The following LRRTM4 variants were observed in gnomAD, a reference collection of about 807,000 sequenced individuals.
LRRTM4 encodes leucine rich repeat transmembrane neuronal 4, also known as leucine-rich repeat transmembrane neuronal protein 4.
In LRRTM4, 25 loss-of-function variants were observed where a neutral mutation model predicts 47.6. The ratio of observed to expected loss-of-function variants is 0.53; its 90% CI spans 0.38 to 0.73. The LOEUF (loss-of-function observed/expected upper bound fraction) is 0.73. Ranked by LOEUF, LRRTM4 falls within the 30% of genes least tolerant of loss-of-function variation. LRRTM4 has a pLI of 0.00. For synonymous variants in LRRTM4, 311 were observed against 269.5 expected (o/e 1.15, Z -1.51); for missense variants, 638 against 713.4 (o/e 0.89, Z 1.20).
chr2:77,118,398 T>C (rs1177665452), intron 3 of LRRTM4, among the ~76,000 whole-genome samples: 1 of 151,896 alleles, frequency 6.6e-6, no homozygotes, highest in Non-Finnish European at 1.5e-5. Context: ...TCAGTGCAGC[T>C]GATAAGCCAC....
At chr2:76,818,044 A>T (rs1670951596) in intron 3 of LRRTM4, among the ~76,000 whole-genome samples, 1 of 152,026 alleles carries the variant, frequency 6.6e-6, no homozygotes, top group Admixed American at 6.6e-5. Flanking sequence ...GAGGATACAG[A>T]TGGCAATAGA....
At chr2:76,943,184 A>G (rs1675209390) in intron 3 of LRRTM4, among the ~76,000 whole-genome samples, 1 of 152,118 alleles carries the variant, frequency 6.6e-6, no homozygotes, top group African/African-American at 2.4e-5. Flanking sequence ...TCAAATTCCG[A>G]TTTACTCTTT....
At position 77,067,442 on chromosome 2, in the gene LRRTM4, G is replaced by T. The variant is rs116822627; in HGVS notation, c.1552-318526C>A. 4.4e-3 allele frequency among the ~76,000 whole-genome samples: 665 copies of T among 152,070 alleles called. 9 individuals carry two copies. The highest frequency in any genetic ancestry group is 0.015 in the African/African-American group (621 of 41,470). On this transcript the variant is annotated intron_variant, in intron 3 of 3. Transcript: ENST00000409884. ...GATCATTGGGCACCTACAAAAAAAG[G>T]AGAGCCTCCACTCAGGCAGTGTGGG... is the stretch of plus-strand genomic sequence containing the variant.
chr2:76,939,448 C>T (rs1675062757), intron 3 of LRRTM4, among the ~76,000 whole-genome samples: 1 of 151,934 alleles, frequency 6.6e-6, no homozygotes, highest in South Asian at 2.1e-4. Context: ...ATTTTTTTGT[C>T]CACATTCCAT....
chr2:77,067,617 A>G (rs1679999002), intron 3 of LRRTM4, among the ~76,000 whole-genome samples: 2 of 152,046 alleles, frequency 1.3e-5, no homozygotes, highest in Admixed American at 1.3e-4. Flanking sequence ...TCAGGAAAAA[A>G]AAATAAGAAG....
intron 3 of LRRTM4, among the ~76,000 whole-genome samples, chr2:76,812,661 G>A (rs1244611733): frequency 7.8e-6 from 1 of 128,016 alleles, no homozygotes; most frequent in East Asian, 2.9e-4. Flanking sequence ...GAAGGAGACT[G>A]TTACAAATAA....
intron 3 of LRRTM4, among the ~76,000 whole-genome samples, chr2:76,757,258 G>A (rs201113286): frequency 3.2e-4 from 49 of 152,072 alleles, no homozygotes; most frequent in African/African-American, 1.1e-3. Context: ...TGTTTGTCTT[G>A]TCCTGTTGTT....
At chr2:77,494,641 T>A (rs1678293383) in intron 3 of LRRTM4, among the ~76,000 whole-genome samples, 2 of 152,070 alleles carry the variant, frequency 1.3e-5, no homozygotes, top group South Asian at 4.1e-4. Flanking sequence ...TTAATAGATT[T>A]ATGGAATTAT....
chr2:76,935,264 A>G (rs1056176725), intron 3 of LRRTM4, among the ~76,000 whole-genome samples: 5 of 152,188 alleles, frequency 3.3e-5, no homozygotes, highest in African/African-American at 1.2e-4. Flanking sequence ...GCCTCGTAGT[A>G]TAGTGTGAAG....
At chr2:77,103,917 AAG>A (rs1671026720) in intron 3 of LRRTM4, among the ~76,000 whole-genome samples, 1 of 152,130 alleles carries the variant, frequency 6.6e-6, no homozygotes, top group Non-Finnish European at 1.5e-5. Flanking sequence ...AATGAAGACA[AAG>A]AGAAATAATA....
rs531524135 is a variant in LRRTM4 at position 77,201,756 on chromosome 2, G to T, written c.1551+316562C>A. ...TTATAATATTTAAAAATCACAGCTT[G>T]CTGGGATTTTTATTAATGACAAATG... On this transcript the variant is annotated intron_variant, in intron 3 of 3. Coordinates refer to ENST00000409884, the MANE Select transcript of LRRTM4 (RefSeq NM_001134745.3). 1.2e-4 allele frequency among the ~76,000 whole-genome samples: 18 copies of T among 152,132 alleles called. No individual in the cohort carries two copies. The South Asian group carries it at 3.7e-3, about 32-fold the overall frequency.
chr2:77,009,675 T>A (rs1002026515), intron 3 of LRRTM4: 9 of 152,122 alleles, frequency 5.9e-5, no homozygotes, highest in Non-Finnish European at 8.8e-5. Context: ...GCCACTGCAG[T>A]AGCCACATCT....
At chr2:76,793,223 T>C (rs1036319311) in intron 3 of LRRTM4, among the ~76,000 whole-genome samples, 1 of 152,166 alleles carries the variant, frequency 6.6e-6, no homozygotes, top group African/African-American at 2.4e-5. Context: ...CATCTCTTGG[T>C]GTTGTCAATA....
intron 3 of LRRTM4, among the ~76,000 whole-genome samples, chr2:76,968,996 T>C (rs10201531): frequency 0.24 from 35,980 of 151,808 alleles, 5,251 homozygotes; most frequent in African/African-American, 0.41. Context: ...GACCGCTGCC[T>C]TTATTGGCCT....
chr2:77,062,933 TC>T (rs1679835822), intron 3 of LRRTM4, among the ~76,000 whole-genome samples: 1 of 112,022 alleles, frequency 8.9e-6, no homozygotes, highest in South Asian at 2.6e-4. Flanking sequence ...TTCCTCTTGT[TC>T]TTTTTTAAAA....
intron 3 of LRRTM4, among the ~76,000 whole-genome samples, chr2:76,819,016 A>T (rs993655615): frequency 1.3e-4 from 19 of 151,800 alleles, no homozygotes; most frequent in African/African-American, 4.3e-4. Context: ...GAACAAAGAA[A>T]AGAGCAGAAC....
chr2:76,957,443 A>G (rs145853198), intron 3 of LRRTM4, among the ~76,000 whole-genome samples: 53 of 151,910 alleles, frequency 3.5e-4, no homozygotes, highest in African/African-American at 1.1e-3. Context: ...ATATCTCACA[A>G]ATAATTTCAA....
chr2:77,163,643 G>T (rs1446861615), intron 3 of LRRTM4, among the ~76,000 whole-genome samples: 1 of 151,794 alleles, frequency 6.6e-6, no homozygotes, highest in Non-Finnish European at 1.5e-5. Context: ...GAAGAGAGTG[G>T]GGGCCAATAT....
At chr2:76,769,055 C>A (rs1248563686) in intron 3 of LRRTM4, among the ~76,000 whole-genome samples, 1 of 152,120 alleles carries the variant, frequency 6.6e-6, no homozygotes. Flanking sequence ...ACTCAACTTT[C>A]TTTGAGGGCC....
Sources: allele counts gnomAD v4.1 joint callset (sites outside exome capture counted in the v4.1 genomes callset), GRCh38; gene constraint gnomAD v4.1.1; transcripts MANE v1.5; gene names NCBI Gene and HGNC (gene_info 2026-07-23, HGNC 2026-07-21).